DDAH1: variants seen among roughly 807,000 people sequenced by gnomAD.
DDAH1 encodes N(G),N(G)-dimethylarginine dimethylaminohydrolase 1.
In DDAH1, 19 loss-of-function variants were observed where a neutral mutation model predicts 28.8. That is an observed-to-expected ratio of 0.66 (90% CI 0.46 to 0.97). The LOEUF (loss-of-function observed/expected upper bound fraction) is 0.97, where lower values mean the gene tolerates loss of function less well. DDAH1 is among the 50% of genes least tolerant of loss of function. The probability of loss-of-function intolerance (pLI) is 0.00; values close to 1 mark genes in which losing one functional copy is unlikely to be tolerated. For synonymous variants in DDAH1, 153 were observed against 154.4 expected (o/e 0.99, Z 0.07); for missense variants, 326 against 375.9 (o/e 0.87, Z 1.10).
intron 4 of DDAH1, among the ~76,000 whole-genome samples, chr1:85,341,758 A>G (rs528098604): frequency 6.6e-6 from 1 of 152,250 alleles, no homozygotes; most frequent in East Asian, 1.9e-4. Flanking sequence ...GCTTGCAGAG[A>G]GCCGAGATCA....
chr1:85,503,518 C>CATCT (rs61426289), intron 1 of DDAH1, among the ~76,000 whole-genome samples: 46,202 of 143,942 alleles, frequency 0.32, 7,498 homozygotes, highest in Middle Eastern at 0.4. Flanking sequence ...CTTTAAAGTT[C>CATCT]ATCTATCTAT....
chr1:85,499,913 G>C (rs1462963540), intron 1 of DDAH1, among the ~76,000 whole-genome samples: 4 of 152,038 alleles, frequency 2.6e-5, no homozygotes, highest in African/African-American at 9.7e-5. Context: ...ATTTTTTTAT[G>C]TTGATCTGAG....
At chr1:85,331,282 G>A (rs1490308712) in intron 4 of DDAH1, among the ~76,000 whole-genome samples, 1 of 152,026 alleles carries the variant, frequency 6.6e-6, no homozygotes, top group East Asian at 1.9e-4. Flanking sequence ...AAAAATCCTG[G>A]GCTATGTTGT....
At chr1:85,509,443 G>A (rs1657147382) in intron 1 of DDAH1, among the ~76,000 whole-genome samples, 1 of 152,214 alleles carries the variant, frequency 6.6e-6, no homozygotes, top group African/African-American at 2.4e-5. Flanking sequence ...CCAAAGGACT[G>A]CAGCTCCTTG....
At chr1:85,357,070 TTAGA>T (rs1285987524) in intron 2 of DDAH1, among the ~76,000 whole-genome samples, 1 of 152,222 alleles carries the variant, frequency 6.6e-6, no homozygotes, top group Non-Finnish European at 1.5e-5. Context: ...GCCTATTTTG[TTAGA>T]TAAACAGACT....
At chr1:85,345,324 G>C (rs1167423432) in intron 4 of DDAH1, among the ~76,000 whole-genome samples, 1 of 114,598 alleles carries the variant, frequency 8.7e-6, no homozygotes, top group Non-Finnish European at 1.8e-5. Flanking sequence ...TAATTAATTT[G>C]TCTTACATTA....
In DDAH1 at chr1:85,377,270, A is replaced by G. The variant is rs572102825; in HGVS notation, c.304-18423T>C. ...GATATGAAAAGCCAATGTTAAGACT[A>G]TGAATAGAAAGCTGTTTCTACTTTT... is the stretch of plus-strand genomic sequence containing the variant. On this transcript the variant is annotated intron_variant, in intron 1 of 5. Coordinates refer to ENST00000284031, the MANE Select transcript of DDAH1 (RefSeq NM_012137.4). Among the ~76,000 whole-genome samples, 6 of 152,318 alleles carry G rather than the reference A, an allele frequency of 3.9e-5. No individual in the cohort carries two copies. In the South Asian group the frequency reaches 1.2e-3, roughly 32 times the overall value.
intron 2 of DDAH1, among the ~76,000 whole-genome samples, chr1:85,478,655 C>T (rs780380424): frequency 7.9e-5 from 12 of 152,268 alleles, no homozygotes; most frequent in South Asian, 2.1e-4. Context: ...AGATGATATT[C>T]GGGTGGGGAC....
chr1:85,487,375 G>A (rs1015927130), intron 2 of DDAH1, among the ~76,000 whole-genome samples: 3 of 152,214 alleles, frequency 2.0e-5, no homozygotes, highest in African/African-American at 7.2e-5. Flanking sequence ...TGTCATGGGA[G>A]TTATTAAAGA....
intron 2 of DDAH1, among the ~76,000 whole-genome samples, chr1:85,483,973 G>A (rs909191982): frequency 6.6e-6 from 1 of 152,156 alleles, no homozygotes; most frequent in Non-Finnish European, 1.5e-5. Flanking sequence ...AAGGGGCTGG[G>A]GTTGTTTTAA....
At chr1:85,449,398 C>T (rs1409411647) in intron 1 of DDAH1, among the ~76,000 whole-genome samples, 1 of 152,036 alleles carries the variant, frequency 6.6e-6, no homozygotes, top group South Asian at 2.1e-4. Flanking sequence ...AAGATGTAAA[C>T]CCAGTTAATG....
intron 1 of DDAH1, among the ~76,000 whole-genome samples, chr1:85,545,788 G>C (rs1658603984): frequency 6.6e-6 from 1 of 152,088 alleles, no homozygotes. Flanking sequence ...GAGATGCAGA[G>C]GGAGGAGGGG....
At chr1:85,456,457 C>CT (rs1014803184) in intron 1 of DDAH1, among the ~76,000 whole-genome samples, 24 of 152,158 alleles carry the variant, frequency 1.6e-4, no homozygotes, top group African/African-American at 5.8e-4. Flanking sequence ...AGAAACCATA[C>CT]TTTGAGTACT....
chr1:85,410,886 G>C (rs534496425), intron 1 of DDAH1, among the ~76,000 whole-genome samples: 4 of 152,294 alleles, frequency 2.6e-5, no homozygotes, highest in African/African-American at 9.6e-5. Context: ...CCTGCTTCTG[G>C]TGGAATATGA....
intron 1 of DDAH1, among the ~76,000 whole-genome samples, chr1:85,429,131 C>T (rs1653549975): frequency 6.6e-6 from 1 of 152,192 alleles, no homozygotes; most frequent in East Asian, 1.9e-4. Context: ...CCGTCATCTA[C>T]ATTAGGTATT....
At chr1:85,515,587 T>C (rs1249826861) in intron 1 of DDAH1, among the ~76,000 whole-genome samples, 1 of 150,300 alleles carries the variant, frequency 6.7e-6, no homozygotes, top group East Asian at 2.0e-4. Context: ...GTAAGTTATA[T>C]CCAAAGTACC....
At chr1:85,457,815 G>A (rs913861679) in intron 1 of DDAH1, among the ~76,000 whole-genome samples, 13 of 152,220 alleles carry the variant, frequency 8.5e-5, no homozygotes, top group African/African-American at 2.6e-4. Flanking sequence ...TCAGCCTCCC[G>A]AGTAGCTGGG....
Position 85,318,745 on chromosome 1 carries a change from C to T in DDAH1, c.*2707G>A, listed in dbSNP as rs991219605. 1 of 152,626 alleles carries T rather than the reference C, an allele frequency of 6.6e-6. No individual in the cohort carries two copies. The highest frequency in any genetic ancestry group is 1.5e-5 in the Non-Finnish European group (1 of 68,038). 9.5% of individuals were successfully genotyped at this position (152,626 alleles called of 1,614,324 possible). A position where few individuals can be genotyped will look rare whatever the true frequency, so the allele number is the denominator to read the frequency against. Reference sequence around the variant, plus strand: ...AAGTGTAAATAATTACAAAGACTGACATGCAACTCTTTACCTTACATTATT... The same window carrying T: ...AAGTGTAAATAATTACAAAGACTGATATGCAACTCTTTACCTTACATTATT... On this transcript the variant is annotated 3_prime_UTR_variant, in exon 6 of 6. Coordinates refer to ENST00000284031, the MANE Select transcript of DDAH1 (RefSeq NM_012137.4).
intron 1 of DDAH1, among the ~76,000 whole-genome samples, chr1:85,521,963 A>G (rs554434869): frequency 4.9e-4 from 45 of 92,478 alleles, no homozygotes; most frequent in African/African-American, 2.0e-3. Context: ...TTAATGGATG[A>G]ATTAGTAAAT....
Sources: gnomAD v4.1 joint callset for allele counts (sites outside exome capture counted in the v4.1 genomes callset) on GRCh38, gnomAD v4.1.1 for gene constraint, MANE v1.5 for transcripts, NCBI Gene and HGNC (gene_info 2026-07-23, HGNC 2026-07-21) for gene names.